The following BIRC6 variants were observed in gnomAD, a reference collection of about 807,000 sequenced individuals.
The protein encoded by BIRC6 is dual E2 ubiquitin-conjugating enzyme/E3 ubiquitin-protein ligase BIRC6.
BIRC6 carries 98 observed loss-of-function variants against 503.3 expected under a neutral mutation model. The observed-to-expected ratio is 0.19, with a 90% CI of 0.17 to 0.23. The LOEUF (loss-of-function observed/expected upper bound fraction) is 0.23. Among genes scored for constraint, BIRC6 ranks in the 10% least tolerant of loss-of-function variants. The probability of loss-of-function intolerance (pLI) is 1.00; values close to 1 mark genes in which losing one functional copy is unlikely to be tolerated. For missense variants in BIRC6, 5,360 were observed against 5,806.0 expected (o/e 0.92, Z 2.50); for synonymous variants, 2,240 against 2,078.7 (o/e 1.08, Z -2.11).
intron 66 of BIRC6, among the ~76,000 whole-genome samples, chr2:32,582,691 G>C (rs2060758417): frequency 6.6e-6 from 1 of 152,154 alleles, no homozygotes; most frequent in Non-Finnish European, 1.5e-5. Context: ...AGGAGGCAGA[G>C]GTTGCGGTGA....
chr2:32,617,922 T>A lies in BIRC6; in HGVS notation c.*18T>A. The A allele has an allele frequency of 1.3e-6, 2 of 1,593,858 alleles. No individual in the cohort carries two copies. Among genetic ancestry groups the A allele is most frequent in the Non-Finnish European group, 1.7e-6 (2 of 1,165,876 alleles). On this transcript the variant is annotated 3_prime_UTR_variant, in exon 74 of 74. Transcript: ENST00000421745. ...AGTTATGAGCTGCATTGATGTGGAC[T>A]TCATAGACACAAAGGCTTCGAAGCA...
intron 45 of BIRC6, among the ~76,000 whole-genome samples, chr2:32,498,148 G>A (rs2052709247): frequency 6.6e-6 from 1 of 152,056 alleles, no homozygotes; most frequent in South Asian, 2.1e-4. Flanking sequence ...TGCAACCTCC[G>A]CCTTCTGGGT....
In BIRC6 at chr2:32,464,703, C is replaced by T; in HGVS notation, c.5136C>T (p.Pro1712=). 2 of 1,614,002 alleles carry T rather than the reference C, an allele frequency of 1.2e-6. No homozygotes were observed. The highest frequency in any genetic ancestry group is 2.2e-5 in the South Asian group (2 of 91,080). ...PLFMTPPLTP[P]NEAVSVVINA... ...TTATGACTCCACCACTCACTCCACC[C>T]AATGAAGCAGTTTCCGTTGTGATTA... is the stretch of plus-strand genomic sequence containing the variant. The change falls in exon 25 of 74, where the codon CCC becomes CCT. Residue 1712 remains proline (P), a synonymous_variant. Transcript: ENST00000421745.
At chr2:32,561,509 G>A (rs1228245227) in intron 65 of BIRC6, among the ~76,000 whole-genome samples, 1 of 151,476 alleles carries the variant, frequency 6.6e-6, no homozygotes, top group Admixed American at 6.6e-5. Flanking sequence ...CAAATATCTG[G>A]GATTACAGGC....
chr2:32,447,154 A>T lies in BIRC6; in HGVS notation c.4484+1486A>T, dbSNP rs1282814204. Among the ~76,000 whole-genome samples the T allele has an allele frequency of 2.6e-4, 39 of 150,002 alleles. 1 individual carries two copies. The South Asian group carries it at 6.6e-3, about 25-fold the overall frequency. On this transcript the variant is annotated intron_variant, in intron 21 of 73. Transcript: ENST00000421745. Reference sequence around the variant, plus strand: ...TGAAAAGTCTCCCATGTCTACCTCTATCCACACAGACCCGGCAACCATCCG... The same window carrying T: ...TGAAAAGTCTCCCATGTCTACCTCTTTCCACACAGACCCGGCAACCATCCG...
intron 6 of BIRC6, among the ~76,000 whole-genome samples, chr2:32,399,075 T>TTTTA (rs1021122982): frequency 7.2e-5 from 11 of 152,092 alleles, no homozygotes; most frequent in Admixed American, 1.3e-4. Context: ...ATTTTTAAAA[T>TTTTA]TTTATTTATT....
chr2:32,610,985 A>G (rs528041228), intron 72 of BIRC6, among the ~76,000 whole-genome samples: 2 of 152,192 alleles, frequency 1.3e-5, no homozygotes, highest in African/African-American at 4.8e-5. Context: ...TTGATCTCCC[A>G]GAATGCTGGG....
intron 66 of BIRC6, among the ~76,000 whole-genome samples, chr2:32,593,410 A>T (rs1272326152): frequency 2.0e-5 from 3 of 152,210 alleles, no homozygotes; most frequent in Non-Finnish European, 4.4e-5. Context: ...CTTTAAAATG[A>T]ATATGCCCTA....
Position 32,415,211 on chromosome 2 carries a change from G to A in BIRC6, c.1920G>A (p.Glu640=). 1 of 1,613,906 alleles carries A rather than the reference G, an allele frequency of 6.2e-7. No homozygotes were observed. Among genetic ancestry groups the A allele is most frequent in the Non-Finnish European group, 8.5e-7 (1 of 1,179,806 alleles). The change falls in exon 10 of 74, where the codon GAG becomes GAA. Residue 640 remains glutamate, a synonymous_variant. Transcript: ENST00000421745. ...LLLYSIKESD[E]KAGKIFSQMN... ...TTTATAGCATCAAGGAATCTGATGAGAAAGCAGGAAAGATCTTTTCACAGA... is the reference window on the plus strand; with the variant it reads ...TTTATAGCATCAAGGAATCTGATGAAAAAGCAGGAAAGATCTTTTCACAGA...
intron 1 of BIRC6, among the ~76,000 whole-genome samples, chr2:32,373,706 G>T (rs888455756): frequency 6.6e-6 from 1 of 152,182 alleles, no homozygotes; most frequent in Non-Finnish European, 1.5e-5. Flanking sequence ...GGAAAAAATA[G>T]AATTACCATA....
chr2:32,538,345 T>C (rs1216379852), intron 61 of BIRC6, among the ~76,000 whole-genome samples: 1 of 152,174 alleles, frequency 6.6e-6, no homozygotes, highest in African/African-American at 2.4e-5. Context: ...AGATTTCAGC[T>C]GCTGTCTGTC....
intron 65 of BIRC6, among the ~76,000 whole-genome samples, chr2:32,574,305 T>TTTTTACCA (rs2060116092): frequency 2.0e-5 from 3 of 151,752 alleles, no homozygotes; most frequent in Non-Finnish European, 4.4e-5. Flanking sequence ...TTTGTAGAGA[T>TTTTTACCA]GGAAGTTTTA....
intron 20 of BIRC6, among the ~76,000 whole-genome samples, chr2:32,444,415 A>T (rs1458888675): frequency 2.6e-5 from 4 of 152,358 alleles, no homozygotes; most frequent in Middle Eastern, 3.4e-3. Context: ...GTAGTTATCA[A>T]GTAGGAATTC....
At chr2:32,542,290 C>T (rs2057722006) in intron 61 of BIRC6, among the ~76,000 whole-genome samples, 1 of 151,892 alleles carries the variant, frequency 6.6e-6, no homozygotes, top group East Asian at 1.9e-4. Context: ...AATTCTAGTA[C>T]TGAGGAAGAG....
At position 32,419,685 on chromosome 2, in the gene BIRC6, TATAAC is replaced by T. The variant is rs370398656; in HGVS notation, c.2872+3524_2872+3528del. Among the ~76,000 whole-genome samples the T allele has an allele frequency of 2.4e-3, 364 of 152,268 alleles. 2 individuals carry two copies. Among genetic ancestry groups the T allele is most frequent in the Middle Eastern group, 0.01 (3 of 294 alleles). On this transcript the variant is annotated intron_variant, in intron 10 of 73. Transcript: ENST00000421745. ...AATTAATAGGGAACATATCATGAAA[TATAAC>T]AATACTGAATATAAATATGACCCCA...
At position 32,543,461 on chromosome 2, in the gene BIRC6, C is replaced by T; in HGVS notation, c.12512C>T (p.Ala4171Val). ...FGLFLRLPGY[A>V]EVLLKERKHA... ...TTATTTCTTCGTCTTCCGGGCTATG[C>T]GGAAGTGCTACTGAAAGAGAGAAAA... The change falls in exon 62 of 74, where the codon GCG becomes GTG. Residue 4171 changes from alanine (A) to valine (V), a missense_variant. Physicochemically the swap from Ala to Val is moderately conservative, Grantham distance 64. Coordinates refer to ENST00000421745, the MANE Select transcript of BIRC6 (RefSeq NM_016252.4). 1.9e-6 allele frequency: 3 copies of T among 1,613,962 alleles called. No homozygotes were observed. Among genetic ancestry groups the T allele is most frequent in the Non-Finnish European group, 2.5e-6 (3 of 1,179,886 alleles).
intron 61 of BIRC6, among the ~76,000 whole-genome samples, chr2:32,542,164 G>A (rs2057713172): frequency 1.3e-5 from 2 of 151,482 alleles, no homozygotes; most frequent in Admixed American, 1.3e-4. Flanking sequence ...GTATTTTCTA[G>A]GTATGTTTGC....
intron 15 of BIRC6, among the ~76,000 whole-genome samples, chr2:32,438,047 C>A (rs375234711): frequency 5.3e-5 from 8 of 152,282 alleles, no homozygotes; most frequent in African/African-American, 1.9e-4. Flanking sequence ...CTACCTTGGC[C>A]TCCCAAAGTG....
At chr2:32,463,435 A>G in intron 24 of BIRC6, 54 bp downstream of exon 24, 1 of 1,472,110 alleles carries the variant, frequency 6.8e-7, no homozygotes, top group Admixed American at 2.5e-5. Context: ...CAAAAGCTGA[A>G]AAAGTACTTT....
Sources: gnomAD v4.1 joint callset for allele counts (sites outside exome capture counted in the v4.1 genomes callset) on GRCh38, gnomAD v4.1.1 for gene constraint, MANE v1.5 for transcripts, NCBI Gene and HGNC (gene_info 2026-07-23, HGNC 2026-07-21) for gene names.